The following CRACD variants were observed in gnomAD, a reference collection of about 807,000 sequenced individuals.
CRACD encodes the protein capping protein-inhibiting regulator of actin dynamics.
In CRACD, 56 loss-of-function variants were observed where a neutral mutation model predicts 106.8. The ratio of observed to expected loss-of-function variants is 0.52; its 90% CI spans 0.42 to 0.66. The LOEUF is 0.66. Among genes scored for constraint, CRACD ranks in the 30% least tolerant of loss-of-function variants. The pLI is 0.00. For synonymous variants in CRACD, 754 were observed against 670.8 expected (o/e 1.12, Z -1.92); for missense variants, 1,730 against 1,623.2 (o/e 1.07, Z -1.13).
chr4:56,222,531 A>G (rs1739099038), intron 2 of CRACD, among the ~76,000 whole-genome samples: 1 of 152,258 alleles, frequency 6.6e-6, no homozygotes, highest in Non-Finnish European at 1.5e-5. Context: ...TACCCCAACA[A>G]CAATTGAAAT....
intron 2 of CRACD, among the ~76,000 whole-genome samples, chr4:56,270,743 A>G (rs1194400707): frequency 6.6e-6 from 1 of 152,054 alleles, no homozygotes; most frequent in African/African-American, 2.4e-5. Flanking sequence ...TGACTGAGTT[A>G]ATATTTATAA....
chr4:56,178,971 T>C (rs988227859), intron 1 of CRACD, among the ~76,000 whole-genome samples: 35 of 152,242 alleles, frequency 2.3e-4, no homozygotes, highest in African/African-American at 8.4e-4. Flanking sequence ...TGAATTTTAG[T>C]TAAACTACAT....
In CRACD at chr4:56,324,100, G is replaced by T; in HGVS notation, c.3379-4G>T. 2 of 1,604,304 alleles carry T rather than the reference G, an allele frequency of 1.2e-6. No individual in the cohort carries two copies. The highest frequency in any genetic ancestry group is 3.6e-4 in the Middle Eastern group (2 of 5,630). On this transcript the variant is annotated splice_region_variant and splice_polypyrimidine_tract_variant and intron_variant, in intron 9 of 10. Transcript: ENST00000682029. ...GTTTCCCATGACTGTCTCTGCCCAC[G>T]CAGGTCAGTGTCAGCGTGCAGCCTG...
rs926847189 is a variant in CRACD, at chr4:56,166,855, G to A, written c.-335-12429G>A. Reference sequence around the variant, plus strand: ...GAAAACTTTTTAAGGCAGAGAAAAGGGCCTTCAGCTACAGTTTTCAAACTT... The same window carrying A: ...GAAAACTTTTTAAGGCAGAGAAAAGAGCCTTCAGCTACAGTTTTCAAACTT... On this transcript the variant is annotated intron_variant, in intron 1 of 10. Coordinates refer to ENST00000682029, the MANE Select transcript of CRACD (RefSeq NM_001393381.1). Among the ~76,000 whole-genome samples the A allele has an allele frequency of 5.3e-5, 8 of 151,960 alleles. No individual in the cohort carries two copies. In the East Asian group the frequency reaches 1.2e-3, roughly 22 times the overall value.
chr4:56,182,149 G>T (rs558157499), intron 2 of CRACD, among the ~76,000 whole-genome samples: 43 of 152,256 alleles, frequency 2.8e-4, no homozygotes, highest in Non-Finnish European at 3.4e-4. Context: ...GGGAGGCTGA[G>T]GCAGGCGAAT....
rs370428988 is a variant in CRACD, at chr4:56,160,902, C to T, written c.-335-18382C>T. On this transcript the variant is annotated intron_variant, in intron 1 of 10. Coordinates refer to ENST00000682029, the MANE Select transcript of CRACD (RefSeq NM_001393381.1). Reference sequence around the variant, plus strand: ...TGTTAATAGGCTGGAATACCTTGTGCGTGTTTCCTCAGTACCTTTTATCTT... The same window carrying T: ...TGTTAATAGGCTGGAATACCTTGTGTGTGTTTCCTCAGTACCTTTTATCTT... 7.9e-5 allele frequency among the ~76,000 whole-genome samples: 12 copies of T among 152,322 alleles called. No homozygotes were observed. The East Asian group carries it at 1.9e-3, about 24-fold the overall frequency.
chr4:56,151,122 G>A (rs1363215669), intron 1 of CRACD, among the ~76,000 whole-genome samples: 3 of 152,088 alleles, frequency 2.0e-5, no homozygotes, highest in East Asian at 1.9e-4. Flanking sequence ...TCAGCCTCCC[G>A]AGTAGCTGGG....
chr4:56,125,255 T>A (rs927344621), intron 1 of CRACD, among the ~76,000 whole-genome samples: 10 of 152,346 alleles, frequency 6.6e-5, no homozygotes, highest in South Asian at 2.1e-4. Flanking sequence ...TTGATTTTTT[T>A]AAATTGTATT....
At chr4:56,089,946 G>A (rs1057304046) in intron 1 of CRACD, among the ~76,000 whole-genome samples, 23 of 151,984 alleles carry the variant, frequency 1.5e-4, no homozygotes, top group African/African-American at 4.1e-4. Context: ...TTCTTAATGA[G>A]GAGTATTACA....
At position 56,273,299 on chromosome 4, in the gene CRACD, T is replaced by G. The variant is rs150584655; in HGVS notation, c.-17+807T>G. On this transcript the variant is annotated intron_variant, in intron 3 of 10. Transcript: ENST00000682029. ...CTTTTGCCTGCCTGCCTGCCTGCCT[T>G]CCTTCCTTTCTTCCTTCCTTCCTTC... 2.5e-3 allele frequency among the ~76,000 whole-genome samples: 381 copies of G among 151,854 alleles called. 1 individual carries two copies. Among genetic ancestry groups the G allele is most frequent in the African/African-American group, 7.0e-3 (288 of 41,396 alleles).
intron 2 of CRACD, among the ~76,000 whole-genome samples, chr4:56,204,052 G>A (rs1312589155): frequency 2.0e-5 from 3 of 152,250 alleles, no homozygotes; most frequent in Admixed American, 1.3e-4. Flanking sequence ...ACACAGCCCT[G>A]TGCTGGGGCA....
At chr4:56,209,925 A>G (rs1738316573) in intron 2 of CRACD, among the ~76,000 whole-genome samples, 2 of 152,166 alleles carry the variant, frequency 1.3e-5, no homozygotes, top group African/African-American at 4.8e-5. Flanking sequence ...CTGAATTTAC[A>G]TGCCAGGAGA....
intron 1 of CRACD, among the ~76,000 whole-genome samples, chr4:56,083,589 C>G (rs748429892): frequency 6.6e-6 from 1 of 152,086 alleles, no homozygotes; most frequent in Non-Finnish European, 1.5e-5. Flanking sequence ...AAAAACACTT[C>G]ACATTTTTTT....
chr4:56,287,210 G>A (rs1743420408), intron 3 of CRACD, among the ~76,000 whole-genome samples: 1 of 152,044 alleles, frequency 6.6e-6, no homozygotes, highest in African/African-American at 2.4e-5. Context: ...CTGCAGCCTC[G>A]AATTCCTGAG....
chr4:56,301,983 A>G (rs542474569), intron 4 of CRACD, among the ~76,000 whole-genome samples: 1 of 152,132 alleles, frequency 6.6e-6, no homozygotes, highest in South Asian at 2.1e-4. Context: ...TACATAACAG[A>G]GTCGCTCTGT....
chr4:56,185,175 T>C (rs1002247768), intron 2 of CRACD, among the ~76,000 whole-genome samples: 27 of 152,256 alleles, frequency 1.8e-4, no homozygotes, highest in African/African-American at 6.3e-4. Flanking sequence ...GCCAGGATGG[T>C]CTCGATCTCC....
intron 1 of CRACD, among the ~76,000 whole-genome samples, chr4:56,090,654 C>A (rs577885407): frequency 1.3e-5 from 2 of 152,112 alleles, no homozygotes; most frequent in Admixed American, 1.3e-4. Context: ...CTTGGTCTCC[C>A]GAAGTGCTGG....
At position 56,314,982 on chromosome 4, in the gene CRACD, CAA is replaced by C; in HGVS notation, c.1481_1482del (p.Gln494ArgfsTer20). 1.3e-6 allele frequency: 2 copies of C among 1,587,074 alleles called. No homozygotes were observed. Among genetic ancestry groups the C allele is most frequent in the Non-Finnish European group, 1.7e-6 (2 of 1,167,990 alleles). ...EEGDTEPLLK[Q>X]EGPVEAAQPP... ...AGGGGACACGGAGCCTCTCCTGAAA[CAA>C]GAGGGGCCGGTGGAAGCCGCGCAGC... On this transcript the variant is annotated frameshift_variant, in exon 8 of 11. Coordinates refer to ENST00000682029, the MANE Select transcript of CRACD (RefSeq NM_001393381.1). LOFTEE classifies it high-confidence loss of function. The surrounding 1 kb of genome is among the most constrained non-coding windows in gnomAD (Gnocchi z 4.4).
intron 2 of CRACD, among the ~76,000 whole-genome samples, chr4:56,258,102 AAAG>A (rs1490449247): frequency 6.6e-6 from 1 of 152,116 alleles, no homozygotes; most frequent in Non-Finnish European, 1.5e-5. Context: ...AGAAAAAAGA[AAAG>A]AAACATTTAC....
Sources: allele counts gnomAD v4.1 joint callset (sites outside exome capture counted in the v4.1 genomes callset), GRCh38; gene constraint gnomAD v4.1.1; non-coding constraint Gnocchi (gnomAD v3.1); transcripts MANE v1.5; gene names NCBI Gene and HGNC (gene_info 2026-07-23, HGNC 2026-07-21).